F5: variants seen among roughly 807,000 people sequenced by gnomAD.
F5 encodes the protein activated protein c cofactor.
Under a neutral mutation model 216.4 loss-of-function variants are expected in F5, and 138 were observed. The ratio of observed to expected loss-of-function variants is 0.64; its 90% CI spans 0.56 to 0.73. The LOEUF (loss-of-function observed/expected upper bound fraction) is 0.73, where lower values mean the gene tolerates loss of function less well. Among genes scored for constraint, F5 ranks in the 30% least tolerant of loss-of-function variants. The pLI, the probability that F5 is intolerant of heterozygous loss-of-function variation, is 0.00. For synonymous variants in F5, 916 were observed against 930.7 expected, an observed-to-expected ratio of 0.98 and a Z score of 0.29; for missense variants, 2,403 against 2,674.0, an observed-to-expected ratio of 0.90 and a Z score of 2.24.
intron 14 of F5, among the ~76,000 whole-genome samples, chr1:169,533,969 C>T (rs1450822226): frequency 6.6e-6 from 1 of 152,074 alleles, no homozygotes; most frequent in Non-Finnish European, 1.5e-5. Flanking sequence ...AAGCAGACAG[C>T]CCGGCGCCAC....
chr1:169,528,239 C>T, intron 16 of F5, 145 bp from the exon 17 acceptor site: 2 of 946,098 alleles, frequency 2.1e-6, no homozygotes, highest in South Asian at 1.4e-5. Flanking sequence ...AAAGGGCCCT[C>T]TTGTATGTCA....
At chr1:169,585,647 A>G (rs1008528952) in intron 1 of F5, among the ~76,000 whole-genome samples, 5 of 152,236 alleles carry the variant, frequency 3.3e-5, no homozygotes, top group Admixed American at 3.3e-4. Flanking sequence ...GTCACATTCA[A>G]TAGGATAAAT....
At chr1:169,539,292 A>G (rs1259196187) in intron 13 of F5, among the ~76,000 whole-genome samples, 3 of 152,240 alleles carry the variant, frequency 2.0e-5, no homozygotes, top group African/African-American at 4.8e-5. Context: ...TCTGAGCATA[A>G]CATGCAAACT....
chr1:169,536,112 T>C (rs1321172430), intron 14 of F5, among the ~76,000 whole-genome samples: 1 of 152,146 alleles, frequency 6.6e-6, no homozygotes, highest in African/African-American at 2.4e-5. Context: ...TTATTTAATT[T>C]TTAGGAAAAC....
chr1:169,529,577 A>G, intron 16 of F5, 31 bp downstream of exon 16: 2 of 1,557,938 alleles, frequency 1.3e-6, no homozygotes, highest in South Asian at 1.1e-5. Context: ...TGATTTAATT[A>G]GGAGATTAGA....
intron 7 of F5, among the ~76,000 whole-genome samples, chr1:169,553,775 G>A (rs1162513212): frequency 6.6e-6 from 1 of 152,094 alleles, no homozygotes; most frequent in East Asian, 1.9e-4. Context: ...TCAGAATGGC[G>A]ATGATTGAAA....
intron 22 of F5, among the ~76,000 whole-genome samples, chr1:169,519,453 G>A (rs1230375111): frequency 3.9e-5 from 6 of 152,158 alleles, no homozygotes; most frequent in African/African-American, 1.4e-4. Flanking sequence ...AATGACTTAT[G>A]GAACTGTTTC....
At chr1:169,528,177 T>G in intron 16 of F5, 83 bp from the exon 17 acceptor site, 1 of 1,522,292 alleles carries the variant, frequency 6.6e-7, no homozygotes, top group Non-Finnish European at 9.0e-7. Flanking sequence ...GGCAACCCAC[T>G]CAACACCCAT....
intron 7 of F5, among the ~76,000 whole-genome samples, 195 bp from the exon 8 acceptor site, chr1:169,552,929 T>C (rs925735996): frequency 2.6e-5 from 4 of 152,202 alleles, no homozygotes; most frequent in Non-Finnish European, 5.9e-5. Flanking sequence ...ATTTGTCTCC[T>C]GCATCACTGA....
At position 169,564,639 on chromosome 1, in the gene F5, T is replaced by C. The variant is rs115955140; in HGVS notation, c.374-3873A>G. Among the ~76,000 whole-genome samples, 1,228 of 152,202 alleles carry C rather than the reference T, an allele frequency of 8.1e-3. 16 individuals are homozygous for C. The highest frequency in any genetic ancestry group is 0.028 in the African/African-American group (1,173 of 41,542). On this transcript the variant is annotated intron_variant, in intron 3 of 24. Transcript: ENST00000367797. ...TATGTTCTGAAGCCAAAGTCTGAGA[T>C]GCTAAATTTCCATATAAAATATTTT...
At chr1:169,521,575 T>C (rs1373294196) in intron 21 of F5, among the ~76,000 whole-genome samples, 1 of 148,236 alleles carries the variant, frequency 6.7e-6, no homozygotes, top group African/African-American at 2.5e-5. Context: ...AGAAAAACAA[T>C]AGAGAAAAAT....
intron 2 of F5, among the ~76,000 whole-genome samples, chr1:169,580,280 C>G (rs1326313637): frequency 6.6e-6 from 1 of 152,120 alleles, no homozygotes; most frequent in Admixed American, 6.6e-5. Flanking sequence ...TAGGTTATCC[C>G]CAATAGCTGA....
chr1:169,544,306 C>T lies in F5; in HGVS notation c.1965G>A (p.Met655Ile), dbSNP rs1571577176. 6.2e-7 allele frequency: 1 copy of T among 1,613,752 alleles called. No homozygotes were observed. Among genetic ancestry groups the T allele is most frequent in the African/African-American group, 1.3e-5 (1 of 74,898 alleles). Residue 655 changes from methionine to isoleucine, a missense_variant, in exon 12 of 25, where the codon ATG (methionine) becomes ATA (isoleucine). Around this residue, in one of 4 missense-constraint regions of F5, gnomAD observed 1,425 missense variants for 1,554.8 expected, o/e 0.92. Transcript: ENST00000367797. ...PMRGESVTVTMDNVGTWMLTS... is the reference protein window; with the variant it reads ...PMRGESVTVTIDNVGTWMLTS... ...CAGACTCTTACTCACCAACATTATC[C>T]ATTGTGACCGTCACAGATTCTCCAC...
chr1:169,526,208 C>G (rs1659446348), intron 17 of F5, among the ~76,000 whole-genome samples, 191 bp from the exon 18 acceptor site: 1 of 151,954 alleles, frequency 6.6e-6, no homozygotes, highest in Non-Finnish European at 1.5e-5. Context: ...ACAGAGATAA[C>G]TAAAAAAAAT....
Position 169,544,518 on chromosome 1 carries a change from T to TA in F5, c.1763-11dup. 1.2e-6 allele frequency: 2 copies of TA among 1,609,276 alleles called. No homozygotes were observed. Among genetic ancestry groups the TA allele is most frequent in the Non-Finnish European group, 1.7e-6 (2 of 1,176,260 alleles). On this transcript the variant is annotated splice_polypyrimidine_tract_variant and intron_variant, in intron 11 of 24. Transcript: ENST00000367797. ...ACATAGCCATTGATAGCTGAAAGTG[T>TA]AAAATCTGTTAAAATTCCAAGTCTA...
intron 13 of F5, among the ~76,000 whole-genome samples, chr1:169,536,944 T>C (rs1339483357): frequency 6.6e-6 from 1 of 151,952 alleles, no homozygotes; most frequent in African/African-American, 2.4e-5. Context: ...CTCATATTTC[T>C]ATAGTATTAT....
In F5 at chr1:169,540,648, G is replaced by T; in HGVS notation, c.4442C>A (p.Ser1481Tyr). The stretch of plus-strand genomic sequence containing the variant: ...CTGACCAAGGTCTGGATAAGGAAAA[G>T]ACTCATTAAATTCTTGAAGAAGCAA... ...QSLLLQEFNE[S>Y]FPYPDLGQMP... Residue 1481 changes from serine to tyrosine, a missense_variant, in exon 13 of 25, where the codon TCT becomes TAT. By Grantham distance (144) the Ser-to-Tyr change is moderately radical. Coordinates refer to ENST00000367797, the MANE Select transcript of F5 (RefSeq NM_000130.5). 1 of 1,613,994 alleles carries T rather than the reference G, an allele frequency of 6.2e-7. No individual in the cohort carries two copies. The highest frequency in any genetic ancestry group is 8.5e-7 in the Non-Finnish European group (1 of 1,179,940).
chr1:169,523,062 T>C (rs780711250), intron 21 of F5, 135 bp downstream of exon 21: 8 of 924,232 alleles, frequency 8.7e-6, no homozygotes, highest in Middle Eastern at 3.2e-4. Flanking sequence ...TTTCTCCATA[T>C]GACCCTTAGA....
rs200984834 is a variant in F5 at position 169,556,720 on chromosome 1, G to C, written c.878C>G (p.Ser293Cys). The C allele has an allele frequency of 5.8e-5, 93 of 1,613,966 alleles. No individual in the cohort carries two copies. The highest frequency in any genetic ancestry group is 6.4e-5 in the Non-Finnish European group (75 of 1,180,012). The change falls in exon 6 of 25, where the codon TCC becomes TGC. Residue 293 changes from serine (S) to cysteine (C), a missense_variant. By Grantham distance (112) the Ser-to-Cys change is moderately radical. Around this residue, in one of 4 missense-constraint regions of F5, gnomAD observed 1,425 missense variants for 1,554.8 expected, o/e 0.92. Transcript: ENST00000367797. ...VSAITLVSAT[S>C]TTANMTVGPE... ...GCCCACAGTCATATTTGCGGTAGTG[G>C]ATGTAGCACTGACAAGGGTGATGGC...
Sources: allele counts gnomAD v4.1 joint callset (sites outside exome capture counted in the v4.1 genomes callset), GRCh38; gene constraint gnomAD v4.1.1; regional missense constraint gnomAD v4.1.1; transcripts MANE v1.5; gene names NCBI Gene and HGNC (gene_info 2026-07-23, HGNC 2026-07-21).